CDH16: variants seen among roughly 807,000 people sequenced by gnomAD.
CDH16 encodes cadherin-16.
CDH16 carries 79 observed loss-of-function variants against 87.6 expected under a neutral mutation model. The observed-to-expected ratio is 0.90, with a 90% confidence interval of 0.75 to 1.09. CDH16 has a LOEUF of 1.09. CDH16 is among the 50% of genes least tolerant of loss of function. The probability of loss-of-function intolerance (pLI) is 0.00; values close to 1 mark genes in which losing one functional copy is unlikely to be tolerated. For synonymous variants in CDH16, 457 were observed against 439.5 expected, an observed-to-expected ratio of 1.04 and a Z score of -0.50; for missense variants, 1,124 against 1,071.7, an observed-to-expected ratio of 1.05 and a Z score of -0.68.
At chr16:66,917,392 A>G (rs1411414563) in intron 3 of CDH16, among the ~76,000 whole-genome samples, 1 of 152,200 alleles carries the variant, frequency 6.6e-6, no homozygotes, top group Admixed American at 6.5e-5. Flanking sequence ...TTTGGGTTCC[A>G]TTCCCCAAGA....
intron 14 of CDH16, chr16:66,910,738 C>T: frequency 6.7e-6 from 3 of 448,806 alleles, no homozygotes; most frequent in Non-Finnish European, 1.1e-5. Flanking sequence ...GAGTTGAAAC[C>T]TGCCTCCCGG....
In CDH16 at chr16:66,912,777, G is replaced by C. The variant is rs983700327; in HGVS notation, c.1169C>G (p.Ala390Gly). The C allele has an allele frequency of 6.2e-7, 1 of 1,613,514 alleles. No individual in the cohort carries two copies. The highest frequency in any genetic ancestry group is 1.3e-5 in the African/African-American group (1 of 74,884). ...PEPEDGVEGR[A>G]FQVDPTSGSV... is the part of the protein sequence containing the mutation. ...GCCTGAAGTGGGGTCCACCTGGAAG[G>C]CTCTCCCCTCTACCCCATCCTCAGG... Residue 390 changes from alanine (A) to glycine (G), a missense_variant, in exon 10 of 18, where the codon GCC (alanine) becomes GGC (glycine). Physicochemically the swap from Ala to Gly is moderately conservative, Grantham distance 60. Transcript: ENST00000299752.
Position 66,913,611 on chromosome 16 carries a change from T to A in CDH16, c.783A>T (p.Val261=), listed in dbSNP as rs1387288355. 1 of 1,613,762 alleles carries A rather than the reference T, an allele frequency of 6.2e-7. No individual in the cohort carries two copies. The highest frequency in any genetic ancestry group is 8.5e-7 in the Non-Finnish European group (1 of 1,179,904). The part of the protein sequence containing the change: ...KVLYPHHMAQ[V]HWSGGDVHYH... ...AGTGCACATCACCCCCACTCCAGTGTACCTGGGGGGGACACCCCGGGCCAA... is the reference window on the plus strand; with the variant it reads ...AGTGCACATCACCCCCACTCCAGTGAACCTGGGGGGGACACCCCGGGCCAA... Residue 261 remains valine, a splice_region_variant and synonymous_variant, in exon 8 of 18, where the codon GTA becomes GTT. Transcript: ENST00000299752.
intron 14 of CDH16, 109 bp downstream of exon 14, chr16:66,911,073 G>C (rs1371217767): frequency 9.2e-7 from 1 of 1,081,164 alleles, no homozygotes; most frequent in African/African-American, 1.6e-5. Context: ...TCTCCTGCTT[G>C]GGGCTGGGGG....
chr16:66,910,544 G>A, intron 14 of CDH16, 42 bp from the exon 15 acceptor site: 2 of 1,459,792 alleles, frequency 1.4e-6, no homozygotes, highest in Non-Finnish European at 9.1e-7. Context: ...TGTTGCCAGG[G>A]GGAGGGTGAG....
intron 6 of CDH16, 55 bp from the exon 7 acceptor site, chr16:66,914,467 C>T: frequency 7.5e-7 from 1 of 1,329,440 alleles, no homozygotes; most frequent in Non-Finnish European, 1.1e-6. Context: ...GGGGCCAGGG[C>T]ATCATTCTCA....
Position 66,913,112 on chromosome 16 carries a change from C to T in CDH16, c.1054+19G>A, listed in dbSNP as rs1962506636. ...GGTGGTTAATAGAGACTTCGTCCCTCTCCCATCCTGTAGCTCACCTGGTGG... is the reference window on the plus strand; with the variant it reads ...GGTGGTTAATAGAGACTTCGTCCCTTTCCCATCCTGTAGCTCACCTGGTGG... On this transcript the variant is annotated intron_variant, in intron 9 of 17. Transcript: ENST00000299752. 2.5e-6 allele frequency: 4 copies of T among 1,598,072 alleles called. No homozygotes were observed. Among genetic ancestry groups the T allele is most frequent in the Non-Finnish European group, 2.6e-6 (3 of 1,172,416 alleles).
At chr16:66,911,149 C>G (rs755461559) in intron 14 of CDH16, 33 bp downstream of exon 14, 62 of 1,588,262 alleles carry the variant, frequency 3.9e-5, no homozygotes, top group Non-Finnish European at 5.2e-5. Flanking sequence ...TTTGTACCCC[C>G]TCCCAGGGGC....
At position 66,913,422 on chromosome 16, in the gene CDH16, C is replaced by T. The variant is rs1476465890; in HGVS notation, c.903+69G>A. 4.4e-6 allele frequency: 7 copies of T among 1,605,558 alleles called. No individual in the cohort carries two copies. In the East Asian group the frequency reaches 1.1e-4, roughly 26 times the overall value. On this transcript the variant is annotated intron_variant, in intron 8 of 17. Transcript: ENST00000299752. ...CTCAGCCTCTGTTGTAGTTGTGACA[C>T]CCCCAAAAGCCAACTGGACACTGAC...
chr16:66,910,062 A>G lies in CDH16; in HGVS notation c.2199T>C (p.His733=), dbSNP rs753971338. 10 of 1,612,900 alleles carry G rather than the reference A, an allele frequency of 6.2e-6. No homozygotes were observed. The highest frequency in any genetic ancestry group is 8.5e-6 in the Non-Finnish European group (10 of 1,179,306). ...TTATGTGTTCACGTGGCTCCACCCAATGCAGGGCCAAGGTGAGGTAGGCAT... is the reference window on the plus strand; with the variant it reads ...TTATGTGTTCACGTGGCTCCACCCAGTGCAGGGCCAAGGTGAGGTAGGCAT... ...GSHAYLTLAL[H]WVEPREHIIP... The change falls in exon 16 of 18, where the codon CAT becomes CAC. Residue 733 remains histidine (H), a synonymous_variant. Coordinates refer to ENST00000299752, the MANE Select transcript of CDH16 (RefSeq NM_004062.4).
At chr16:66,917,056 C>T (rs1324306932) in intron 3 of CDH16, among the ~76,000 whole-genome samples, 5 of 151,368 alleles carry the variant, frequency 3.3e-5, no homozygotes, top group African/African-American at 9.7e-5. Flanking sequence ...GAGCCCAAGA[C>T]GGGCGGCTCA....
In CDH16 at chr16:66,912,398, C is replaced by A. The variant is rs775052865; in HGVS notation, c.1392G>T (p.Glu464Asp). The change falls in exon 12 of 18, where the codon GAG (glutamate) becomes GAT (aspartate). Residue 464 changes from glutamate (E) to aspartate (D), a missense_variant. Coordinates refer to ENST00000299752, the MANE Select transcript of CDH16 (RefSeq NM_004062.4). ...TTAGCATGGCCACCAGAGTCCCGGG[C>A]TCCACATCCTCAGGGAGGCTTATAG... ...IGPISLPEDV[E>D]PGTLVAMLTA... is the part of the protein sequence containing the mutation. 2.5e-6 allele frequency: 4 copies of A among 1,613,890 alleles called. No homozygotes were observed. In the Admixed American group the frequency reaches 6.7e-5, roughly 27 times the overall value.
chr16:66,908,413 C>T lies in CDH16; in HGVS notation c.2469G>A (p.Val823=), dbSNP rs1962252666. 6.2e-7 allele frequency: 1 copy of T among 1,614,026 alleles called. No homozygotes were observed. Among genetic ancestry groups the T allele is most frequent in the Non-Finnish European group, 8.5e-7 (1 of 1,179,994 alleles). ...CCATTCAGACAGTCGCCTTCAGGGG[C>T]ACGCTGTCTGCTGGTTGATCCGGGT... ...KKDPDQPADS[V]PLKATV is the part of the protein sequence containing the mutation. Residue 823 remains valine, a synonymous_variant, in exon 18 of 18, where the codon GTG becomes GTA. Transcript: ENST00000299752.
intron 14 of CDH16, 129 bp from the exon 15 acceptor site, chr16:66,910,631 T>G (rs1203523407): frequency 2.0e-6 from 2 of 980,618 alleles, no homozygotes; most frequent in Non-Finnish European, 2.8e-6. Context: ...CCTCCATGCT[T>G]CTCTCCACCT....
chr16:66,917,414 A>G (rs1962726400), intron 3 of CDH16, among the ~76,000 whole-genome samples: 1 of 152,170 alleles, frequency 6.6e-6, no homozygotes, highest in Non-Finnish European at 1.5e-5. Context: ...ATCTCATGAT[A>G]TATATGCAAA....
At chr16:66,911,585 C>A (rs557338218) in intron 13 of CDH16, among the ~76,000 whole-genome samples, 76 of 152,264 alleles carry the variant, frequency 5.0e-4, no homozygotes, top group African/African-American at 1.7e-3. Flanking sequence ...CTCCAGGTCA[C>A]CCTGCAAGGG....
intron 7 of CDH16, 145 bp downstream of exon 7, chr16:66,914,071 A>G: frequency 1.4e-6 from 1 of 694,290 alleles, no homozygotes; most frequent in East Asian, 2.7e-5. Flanking sequence ...TGAACACCCC[A>G]GTCCACAGTG....
chr16:66,917,259 A>G (rs899153153), intron 3 of CDH16, among the ~76,000 whole-genome samples: 3 of 152,176 alleles, frequency 2.0e-5, no homozygotes. Context: ...AGAACATGCT[A>G]CTGCACTCCA....
At chr16:66,917,597 G>T in intron 3 of CDH16, 45 bp downstream of exon 3, 3 of 1,375,532 alleles carry the variant, frequency 2.2e-6, no homozygotes, top group East Asian at 2.3e-5. Context: ...GCAGGACTTT[G>T]CGGGGAGGGA....
Sources: gnomAD v4.1 joint callset for allele counts (sites outside exome capture counted in the v4.1 genomes callset) on GRCh38, gnomAD v4.1.1 for gene constraint, MANE v1.5 for transcripts, NCBI Gene and HGNC (gene_info 2026-07-23, HGNC 2026-07-21) for gene names.